NUP214: variants seen among roughly 807,000 people sequenced by gnomAD.
NUP214 encodes the protein nuclear pore complex protein Nup214.
NUP214 carries 79 observed loss-of-function variants against 196.2 expected under a neutral mutation model. The observed-to-expected ratio is 0.40, with a 90% CI of 0.34 to 0.49. The LOEUF (loss-of-function observed/expected upper bound fraction) is 0.49, where lower values mean the gene tolerates loss of function less well. Ranked by LOEUF, NUP214 falls within the 20% of genes least tolerant of loss-of-function variation. The probability of loss-of-function intolerance (pLI) is 0.58; values close to 1 mark genes in which losing one functional copy is unlikely to be tolerated. For synonymous variants in NUP214, 1,020 were observed against 990.5 expected, an observed-to-expected ratio of 1.03 and a Z score of -0.56; for missense variants, 2,468 against 2,539.0, an observed-to-expected ratio of 0.97 and a Z score of 0.60.
At chr9:131,199,522 C>T (rs114767075) in intron 29 of NUP214, among the ~76,000 whole-genome samples, 6,153 of 152,264 alleles carry the variant, frequency 0.04, 164 homozygotes, top group African/African-American at 0.078. Context: ...TAATGGCAGT[C>T]ACTGACATTT....
chr9:131,222,714 G>C, intron 31 of NUP214, 64 bp from the exon 32 acceptor site: 10 of 1,548,142 alleles, frequency 6.5e-6, no homozygotes, highest in Non-Finnish European at 8.8e-6. Flanking sequence ...CTTTTTCTGT[G>C]TTCTGAGAAG....
Position 131,197,767 on chromosome 9 carries a change from A to T in NUP214, c.4273A>T (p.Ile1425Phe). ...CACCAGTGCAGGATCCTCTGGGGTCATCAGTTTTGGTGGGACATCTCTAAG... is the reference window on the plus strand; with the variant it reads ...CACCAGTGCAGGATCCTCTGGGGTCTTCAGTTTTGGTGGGACATCTCTAAG... ...PVTSAGSSGV[I>F]SFGGTSLSAG... is the part of the protein sequence containing the mutation. Residue 1425 changes from isoleucine to phenylalanine, a missense_variant, in exon 29 of 36, where the codon ATC becomes TTC. Around this residue, in one of 5 missense-constraint regions of NUP214, gnomAD observed 1,801 missense variants for 1,779.4 expected, o/e 1.01. Transcript: ENST00000359428. 2 of 1,614,222 alleles carry T rather than the reference A, an allele frequency of 1.2e-6. No individual in the cohort carries two copies.
intron 5 of NUP214, among the ~76,000 whole-genome samples, chr9:131,131,127 C>T (rs889368467): frequency 2.0e-5 from 3 of 152,056 alleles, no homozygotes; most frequent in South Asian, 2.1e-4. Context: ...TGTGATCATA[C>T]GCTATGCGCT....
In NUP214 at chr9:131,187,344, G is replaced by C; in HGVS notation, c.3475G>C (p.Ala1159Pro). 1 of 1,612,442 alleles carries C rather than the reference G, an allele frequency of 6.2e-7. No individual in the cohort carries two copies. Among genetic ancestry groups the C allele is most frequent in the Non-Finnish European group, 8.5e-7 (1 of 1,179,464 alleles). ...ACCTCACCCAGTGTTGACCCCAGTG[G>C]CTGCTAACCAAGCCAAGCAGGTAAC... ...KTPHPVLTPV[A>P]ANQAKQGSLI... Residue 1159 changes from alanine (A) to proline (P), a missense_variant, in exon 25 of 36, where the codon GCT (alanine) becomes CCT (proline). Ala to Pro is a conservative substitution (Grantham distance 27, BLOSUM62 -1). Transcript: ENST00000359428.
intron 26 of NUP214, chr9:131,191,351 C>G (rs1833597174): frequency 6.6e-6 from 1 of 152,100 alleles, no homozygotes; most frequent in South Asian, 2.1e-4. Context: ...GCCTATAGTT[C>G]CAGCTGCTTG....
At position 131,232,155 on chromosome 9, in the gene NUP214, C is replaced by T. The variant is rs1834896642; in HGVS notation, c.6215-129C>T. 5 of 881,572 alleles carry T rather than the reference C, an allele frequency of 5.7e-6. No individual in the cohort carries two copies. Among genetic ancestry groups the T allele is most frequent in the South Asian group, 1.3e-5 (1 of 74,478 alleles). 54.6% of individuals were successfully genotyped at this position (881,572 alleles called of 1,614,324 possible). On this transcript the variant is annotated intron_variant, in intron 34 of 35. Transcript: ENST00000359428. This position sits in a 1 kb window ranked among gnomAD's most constrained non-coding sequence, Gnocchi z 5.1. Reference sequence around the variant, plus strand: ...CTTCTGTGTGTACCTTTCCTGCCTTCCTGTAGGTGGTGGAGGCACGGAGGG... The same window carrying T: ...CTTCTGTGTGTACCTTTCCTGCCTTTCTGTAGGTGGTGGAGGCACGGAGGG...
At chr9:131,182,686 T>C (rs915657396) in intron 24 of NUP214, among the ~76,000 whole-genome samples, 5 of 152,230 alleles carry the variant, frequency 3.3e-5, no homozygotes, top group East Asian at 1.9e-4. Context: ...TGACTTTTAA[T>C]TGGGGTGATT....
At chr9:131,211,132 G>T (rs1834230764) in intron 30 of NUP214, among the ~76,000 whole-genome samples, 1 of 152,174 alleles carries the variant, frequency 6.6e-6, no homozygotes, top group Non-Finnish European at 1.5e-5. Flanking sequence ...ACAGGCAAAG[G>T]TGGCTGTGTT....
chr9:131,149,230 C>G (rs1332174416), intron 14 of NUP214, among the ~76,000 whole-genome samples: 2 of 152,020 alleles, frequency 1.3e-5, no homozygotes, highest in Admixed American at 6.6e-5. Flanking sequence ...GCATGACATA[C>G]AGTGTTTGTC....
chr9:131,185,942 T>G (rs1241140194), intron 24 of NUP214, among the ~76,000 whole-genome samples: 2 of 152,248 alleles, frequency 1.3e-5, no homozygotes, highest in Non-Finnish European at 2.9e-5. Flanking sequence ...GTAAAAAATT[T>G]TCTAAAATTT....
At chr9:131,182,733 T>C (rs7871998) in intron 24 of NUP214, among the ~76,000 whole-genome samples, 147,439 of 152,316 alleles carry the variant, frequency 0.97, 71,566 homozygotes, top group East Asian at 1. Context: ...TGACATGTTT[T>C]GGTTTAAATC....
At chr9:131,178,525 G>T in intron 24 of NUP214, 115 bp downstream of exon 24, 2 of 696,082 alleles carry the variant, frequency 2.9e-6, no homozygotes, top group Admixed American at 2.6e-5. Flanking sequence ...ACCGCCTTAG[G>T]TTATAAGGGG....
chr9:131,163,654 G>A (rs1488672765), intron 19 of NUP214, among the ~76,000 whole-genome samples: 1 of 152,110 alleles, frequency 6.6e-6, no homozygotes, highest in Non-Finnish European at 1.5e-5. Context: ...TTTTTCTACT[G>A]AGGCACCATC....
At chr9:131,215,652 A>C (rs1834372371) in intron 31 of NUP214, among the ~76,000 whole-genome samples, 1 of 152,014 alleles carries the variant, frequency 6.6e-6, no homozygotes. Context: ...TCTGTTTCTT[A>C]GTATTGGAGT....
At chr9:131,189,030 A>G in intron 25 of NUP214, 23 bp from the exon 26 acceptor site, 1 of 1,562,964 alleles carries the variant, frequency 6.4e-7, no homozygotes, top group Non-Finnish European at 8.8e-7. Flanking sequence ...TAACATAAAC[A>G]TTTTGCTTGC....
In NUP214 at chr9:131,197,342, C is replaced by T. The variant is rs34991189; in HGVS notation, c.3848C>T (p.Thr1283Ile). The T allele has an allele frequency of 1.3e-4, 215 of 1,614,224 alleles. 1 individual carries two copies. The highest frequency in any genetic ancestry group is 6.6e-4 in the Middle Eastern group (4 of 6,062). Residue 1283 changes from threonine to isoleucine, a missense_variant, in exon 29 of 36, where the codon ACC becomes ATC. Physicochemically the swap from Thr to Ile is moderately conservative, Grantham distance 89. Around this residue, in one of 5 missense-constraint regions of NUP214, gnomAD observed 1,801 missense variants for 1,779.4 expected, o/e 1.01. Transcript: ENST00000359428. ...PPSGITSASNTTPGEPAASSS... is the reference protein window; with the variant it reads ...PPSGITSASNITPGEPAASSS... ...TCAGGAATCACATCCGCATCAAACA[C>T]CACCCCAGGAGAACCTGCCGCATCT...
chr9:131,128,433 G>A lies in NUP214; in HGVS notation c.343G>A (p.Glu115Lys). 6 of 1,613,700 alleles carry A rather than the reference G, an allele frequency of 3.7e-6. No individual in the cohort carries two copies. The highest frequency in any genetic ancestry group is 5.1e-6 in the Non-Finnish European group (6 of 1,179,708). ...ACTCTCTGCGTGCATGATGTCCAGT[G>A]AATATGGTTCCATTATTGCTTTTTT... Reference protein sequence around the residue: ...LTLSACMMSSEYGSIIAFFDV... With the variant: ...LTLSACMMSSKYGSIIAFFDV... The change falls in exon 3 of 36, where the codon GAA becomes AAA. Residue 115 changes from glutamate to lysine, a missense_variant. Physicochemically the swap from Glu to Lys is moderately conservative, Grantham distance 56. Coordinates refer to ENST00000359428, the MANE Select transcript of NUP214 (RefSeq NM_005085.4).
intron 30 of NUP214, among the ~76,000 whole-genome samples, chr9:131,205,007 T>A (rs1834039417): frequency 1.3e-5 from 2 of 152,058 alleles, no homozygotes; most frequent in Admixed American, 1.3e-4. Context: ...AGCAAAAAAA[T>A]ATCTATAAAG....
At chr9:131,207,662 C>T (rs1834122328) in intron 30 of NUP214, among the ~76,000 whole-genome samples, 1 of 152,258 alleles carries the variant, frequency 6.6e-6, no homozygotes, top group Non-Finnish European at 1.5e-5. Context: ...GAGGCCGCCT[C>T]TTGCTCTAGA....
Sources: gnomAD v4.1 joint callset for allele counts (sites outside exome capture counted in the v4.1 genomes callset) on GRCh38, gnomAD v4.1.1 for gene constraint, gnomAD v4.1.1 regional missense constraint, Gnocchi (gnomAD v3.1) non-coding constraint, MANE v1.5 for transcripts, NCBI Gene and HGNC (gene_info 2026-07-23, HGNC 2026-07-21) for gene names.